Variants in JMJD1C observed in about 807,000 individuals in gnomAD.
JMJD1C encodes the protein jumonji domain-containing protein 1C.
In JMJD1C, 31 loss-of-function variants were observed where a neutral mutation model predicts 245.3. That is an observed-to-expected ratio of 0.13 (90% CI 0.09 to 0.17). The LOEUF (loss-of-function observed/expected upper bound fraction) is 0.17, where lower values mean the gene tolerates loss of function less well. Among genes scored for constraint, JMJD1C ranks in the 10% least tolerant of loss-of-function variants. JMJD1C has a pLI of 1.00. For missense variants in JMJD1C, 2,691 were observed against 3,000.2 expected, an observed-to-expected ratio of 0.90 and a Z score of 2.41; for synonymous variants, 1,057 against 1,017.4, an observed-to-expected ratio of 1.04 and a Z score of -0.74.
At chr10:63,357,822 GACAGACAC>G (rs1306557459) in intron 2 of JMJD1C, among the ~76,000 whole-genome samples, 848 of 70,774 alleles carry the variant, frequency 0.012, 9 homozygotes, top group Admixed American at 0.02. Flanking sequence ...GACACAGACA[GACAGACAC>G]ACACACACAC....
chr10:63,419,566 T>C (rs371415413), intron 1 of JMJD1C, among the ~76,000 whole-genome samples: 81 of 152,048 alleles, frequency 5.3e-4, no homozygotes, highest in African/African-American at 1.9e-3. Context: ...AGAAATAGAC[T>C]TGGTGGCTTC....
At chr10:63,497,267 G>A (rs185588150) in intron 1 of JMJD1C, among the ~76,000 whole-genome samples, 1 of 152,014 alleles carries the variant, frequency 6.6e-6, no homozygotes, top group East Asian at 1.9e-4. Flanking sequence ...GCCAAAAAGT[G>A]GAAACAACCC....
intron 1 of JMJD1C, among the ~76,000 whole-genome samples, chr10:63,393,146 T>C (rs1407766500): frequency 2.0e-5 from 3 of 152,034 alleles, no homozygotes; most frequent in East Asian, 3.8e-4. Context: ...TGGACAACTG[T>C]AGTCCCAGCT....
At chr10:63,333,933 C>T (rs777976897) in intron 2 of JMJD1C, among the ~76,000 whole-genome samples, 5 of 151,898 alleles carry the variant, frequency 3.3e-5, no homozygotes, top group South Asian at 2.1e-4. Flanking sequence ...AATCCAAATA[C>T]CAAAATGAAA....
chr10:63,435,396 G>T (rs1951004716), intron 1 of JMJD1C, among the ~76,000 whole-genome samples: 1 of 152,084 alleles, frequency 6.6e-6, no homozygotes, highest in South Asian at 2.1e-4. Context: ...AATCAAATAA[G>T]TAGAACAGAG....
intron 1 of JMJD1C, 107 bp downstream of exon 1, chr10:63,465,387 CG>C (rs1353660624): frequency 6.8e-6 from 8 of 1,177,328 alleles, no homozygotes; most frequent in Non-Finnish European, 9.4e-6. Flanking sequence ...GGGGCGTGAC[CG>C]CCAGTTGGCC....
chr10:63,410,687 T>C (rs1264627643), intron 1 of JMJD1C, among the ~76,000 whole-genome samples: 1 of 152,136 alleles, frequency 6.6e-6, no homozygotes, highest in African/African-American at 2.4e-5. Context: ...AACCAGTAAT[T>C]TTATGTATGT....
intron 1 of JMJD1C, among the ~76,000 whole-genome samples, chr10:63,425,143 A>G (rs1011707938): frequency 3.9e-5 from 6 of 152,236 alleles, no homozygotes; most frequent in Admixed American, 1.3e-4. Context: ...AGTGGAAAAG[A>G]TGGGAACCCT....
At chr10:63,295,430 A>G (rs1859267814) in intron 2 of JMJD1C, among the ~76,000 whole-genome samples, 1 of 152,108 alleles carries the variant, frequency 6.6e-6, no homozygotes. Flanking sequence ...AACCATAAGT[A>G]TTAACTGAAA....
At chr10:63,266,532 G>A (rs1367102974) in intron 2 of JMJD1C, among the ~76,000 whole-genome samples, 1 of 152,106 alleles carries the variant, frequency 6.6e-6, no homozygotes, top group Non-Finnish European at 1.5e-5. Flanking sequence ...GGGATATTCG[G>A]CTGATCCCTA....
In JMJD1C at chr10:63,465,657, C is replaced by A. The variant is rs763334496; in HGVS notation, c.6G>T (p.Ala2=). ...CCACCAGCTCTGCCCGCGTCTCTAC[C>A]GCCATAGCTGTCGCTGCCGAAGCGG... M[A]VETRAELVGK... The change falls in exon 1 of 26, where the codon GCG becomes GCT. Residue 2 remains alanine (A), a synonymous_variant. Transcript: ENST00000399262. 1.2e-6 allele frequency: 2 copies of A among 1,608,818 alleles called. No individual in the cohort carries two copies. The highest frequency in any genetic ancestry group is 1.7e-6 in the Non-Finnish European group (2 of 1,179,862).
chr10:63,312,288 A>C (rs2134055297), intron 2 of JMJD1C, among the ~76,000 whole-genome samples: 1 of 151,998 alleles, frequency 6.6e-6, no homozygotes, highest in African/African-American at 2.4e-5. Context: ...CTGTATTTTT[A>C]GTAGAGACAG....
At chr10:63,477,204 T>C (rs1278518345) in intron 1 of JMJD1C, among the ~76,000 whole-genome samples, 1 of 152,106 alleles carries the variant, frequency 6.6e-6, no homozygotes, top group Non-Finnish European at 1.5e-5. Context: ...ATCAAAATGA[T>C]GGTATTAATT....
chr10:63,475,026 A>T (rs1264558855), intron 1 of JMJD1C, among the ~76,000 whole-genome samples: 1 of 152,162 alleles, frequency 6.6e-6, no homozygotes, highest in Admixed American at 6.6e-5. Flanking sequence ...AATGCCCTAT[A>T]TCTTCATCAT....
chr10:63,392,408 A>G (rs776699910), intron 1 of JMJD1C, among the ~76,000 whole-genome samples: 1 of 152,202 alleles, frequency 6.6e-6, no homozygotes, highest in East Asian at 1.9e-4. Context: ...CAAAGGAAAC[A>G]ATCAACAGAA....
At chr10:63,302,778 A>C (rs1860257917) in intron 2 of JMJD1C, among the ~76,000 whole-genome samples, 1 of 152,230 alleles carries the variant, frequency 6.6e-6, no homozygotes, top group African/African-American at 2.4e-5. Flanking sequence ...GTCAGGTCTT[A>C]TTTGGAATTA....
chr10:63,297,151 C>G (rs996422150), intron 2 of JMJD1C, among the ~76,000 whole-genome samples: 2 of 152,180 alleles, frequency 1.3e-5, no homozygotes, highest in African/African-American at 2.4e-5. Flanking sequence ...ATAAACCAGG[C>G]GCGGTGGCTC....
At chr10:63,344,569 C>T (rs2134246716) in intron 2 of JMJD1C, among the ~76,000 whole-genome samples, 1 of 152,140 alleles carries the variant, frequency 6.6e-6, no homozygotes, top group African/African-American at 2.4e-5. Context: ...AAATCTGACC[C>T]ATGAAAGAAA....
intron 1 of JMJD1C, among the ~76,000 whole-genome samples, chr10:63,439,512 T>G (rs990204778): frequency 6.6e-6 from 1 of 152,182 alleles, no homozygotes; most frequent in Non-Finnish European, 1.5e-5. Flanking sequence ...TCTCAACAAC[T>G]CCACACAAGT....
Sources: allele counts gnomAD v4.1 joint callset (sites outside exome capture counted in the v4.1 genomes callset), GRCh38; gene constraint gnomAD v4.1.1; transcripts MANE v1.5; gene names NCBI Gene and HGNC (gene_info 2026-07-23, HGNC 2026-07-21).